The following ITGAE variants were observed in gnomAD, a reference collection of about 807,000 sequenced individuals.
ITGAE encodes the protein integrin subunit alpha E, also known as integrin alpha-E.
Under a neutral mutation model 136.5 loss-of-function variants are expected in ITGAE, and 99 were observed. The ratio of observed to expected loss-of-function variants is 0.73; its 90% CI spans 0.62 to 0.86. The LOEUF is 0.86. Ranked by LOEUF, ITGAE falls within the 40% of genes least tolerant of loss-of-function variation. The pLI is 0.00. For synonymous variants in ITGAE, 613 were observed against 591.8 expected (o/e 1.04, Z -0.52); for missense variants, 1,447 against 1,515.3 (o/e 0.95, Z 0.75).
chr17:3,754,658 C>G (rs220478), intron 12 of ITGAE: 156,012 of 201,254 alleles, frequency 0.78, 62,419 homozygotes, highest in African/African-American at 0.93. Context: ...CTCAGCCTCA[C>G]GGTCCCTAAC....
chr17:3,723,320 C>G lies in ITGAE; in HGVS notation c.3205G>C (p.Ala1069Pro), dbSNP rs377713338. ...GAGTGATCCCAGGAGATCTCTGCAG[C>G]CACGGTGACATTTTCTTTATCTGAA... ...IASDKENVTV[A>P]AEISWDHSEE... The change falls in exon 28 of 31, where the codon GCT becomes CCT. Residue 1069 changes from alanine to proline, a missense_variant. This residue lies in a region of ITGAE where 1,031 missense variants were observed against 1,011.4 expected (regional missense o/e 1.02). Transcript: ENST00000263087. The G allele has an allele frequency of 6.2e-6, 10 of 1,613,586 alleles. No individual in the cohort carries two copies. The highest frequency in any genetic ancestry group is 1.3e-5 in the African/African-American group (1 of 74,934).
intron 26 of ITGAE, chr17:3,726,339 T>C (rs2051213485): frequency 2.5e-6 from 4 of 1,576,390 alleles, no homozygotes; most frequent in Non-Finnish European, 3.5e-6. Flanking sequence ...GTAAGCTAAA[T>C]GTATCTTACT....
At chr17:3,724,591 G>C in intron 26 of ITGAE, 1 of 1,614,158 alleles carries the variant, frequency 6.2e-7, no homozygotes, top group Non-Finnish European at 8.5e-7. Context: ...TCTCTCCCCT[G>C]CTCCCAGGAG....
At chr17:3,750,538 G>C (rs535149318) in intron 15 of ITGAE, 56 bp from the exon 16 acceptor site, 1 of 1,604,228 alleles carries the variant, frequency 6.2e-7, no homozygotes, top group South Asian at 1.1e-5. Flanking sequence ...AACGGGGCGG[G>C]GAGTCCTTTC....
At chr17:3,746,813 G>A (rs1406383069) in intron 17 of ITGAE, among the ~76,000 whole-genome samples, 1 of 152,108 alleles carries the variant, frequency 6.6e-6, no homozygotes, top group African/African-American at 2.4e-5. Flanking sequence ...GGATGGTCTC[G>A]ATCTCCTGAC....
At chr17:3,740,202 C>T (rs943507069) in intron 19 of ITGAE, among the ~76,000 whole-genome samples, 1 of 152,220 alleles carries the variant, frequency 6.6e-6, no homozygotes, top group Admixed American at 6.5e-5. Flanking sequence ...CAGCAACACA[C>T]AGCTCACGAC....
chr17:3,724,230 A>G (rs751713248), intron 26 of ITGAE: 1 of 1,593,496 alleles, frequency 6.3e-7, no homozygotes, highest in South Asian at 1.1e-5. Flanking sequence ...CGTGACCCCA[A>G]AGCGCTGGAA....
Position 3,753,281 on chromosome 17 carries a change from C to G in ITGAE, c.1668+9G>C, listed in dbSNP as rs768788394. On this transcript the variant is annotated intron_variant, in intron 14 of 30. Coordinates refer to ENST00000263087, the MANE Select transcript of ITGAE (RefSeq NM_002208.5). ...CTCAGCAAGCTCATGAAGATGGAGA[C>G]TCTCCCACCTGCTCGCTGAGACGGT... The G allele has an allele frequency of 9.9e-6, 16 of 1,612,488 alleles. No individual in the cohort carries two copies. The highest frequency in any genetic ancestry group is 1.3e-5 in the Non-Finnish European group (15 of 1,178,946).
chr17:3,727,621 G>T (rs373215933), intron 26 of ITGAE, among the ~76,000 whole-genome samples: 1 of 151,958 alleles, frequency 6.6e-6, no homozygotes, highest in Non-Finnish European at 1.5e-5. Context: ...GGATGGTCTC[G>T]ATCTGCTGAC....
chr17:3,794,644 C>T (rs1435781382), intron 1 of ITGAE, among the ~76,000 whole-genome samples: 3 of 152,212 alleles, frequency 2.0e-5, no homozygotes, highest in Non-Finnish European at 4.4e-5. Context: ...GCTGCTCCCC[C>T]ACGAATCCAG....
At chr17:3,718,654 T>C (rs1415729171) in intron 29 of ITGAE, among the ~76,000 whole-genome samples, 1 of 152,242 alleles carries the variant, frequency 6.6e-6, no homozygotes, top group African/African-American at 2.4e-5. Flanking sequence ...GAAAGGAATT[T>C]TGGGGAATCC....
At chr17:3,795,930 C>CGTGTGTGTGTGCATCCGT (rs10643973) in intron 1 of ITGAE, among the ~76,000 whole-genome samples, 1 of 113,046 alleles carries the variant, frequency 8.8e-6, no homozygotes, top group Non-Finnish European at 1.8e-5. Context: ...TGTGTGCATC[C>CGTGTGTGTGTGCATCCGT]GTGTGTGTGC....
At chr17:3,739,901 G>C (rs149870220) in intron 19 of ITGAE, 23 bp from the exon 20 acceptor site, 2 of 1,598,990 alleles carry the variant, frequency 1.3e-6, no homozygotes, top group Non-Finnish European at 1.7e-6. Flanking sequence ...AGAGAGTCCC[G>C]ATCAGCCCAG....
At chr17:3,751,570 GC>G (rs2051867654) in intron 15 of ITGAE, 79 bp downstream of exon 15, 6 of 1,354,358 alleles carry the variant, frequency 4.4e-6, no homozygotes, top group Non-Finnish European at 6.3e-6. Context: ...TAGGACTGAA[GC>G]CGACTTGGGG....
intron 6 of ITGAE, 137 bp downstream of exon 6, chr17:3,760,876 G>A: frequency 1.5e-6 from 2 of 1,295,322 alleles, no homozygotes; most frequent in Admixed American, 5.7e-5. Context: ...AGTGGGTGGA[G>A]CTGGTACAGG....
At chr17:3,790,528 AC>A (rs535997168) in intron 1 of ITGAE, among the ~76,000 whole-genome samples, 56,980 of 151,488 alleles carry the variant, frequency 0.38, 12,418 homozygotes, top group African/African-American at 0.62. Flanking sequence ...ACACACACAC[AC>A]ACAAAAGAAA....
chr17:3,714,886 G>A lies in ITGAE; in HGVS notation c.3501C>T (p.Ala1167=). 6.2e-7 allele frequency: 1 copy of A among 1,611,250 alleles called. No homozygotes were observed. The highest frequency in any genetic ancestry group is 8.5e-7 in the Non-Finnish European group (1 of 1,178,602). The change falls in exon 31 of 31, where the codon GCC becomes GCT. Residue 1167 remains alanine (A), a synonymous_variant. Coordinates refer to ENST00000263087, the MANE Select transcript of ITGAE (RefSeq NM_002208.5). Reference sequence around the variant, plus strand: ...CGAGCAGATTCTCTGATTTCAGCTGGGCCTTCCTGATGCTCTCCAAGTTCA... The same window carrying A: ...CGAGCAGATTCTCTGATTTCAGCTGAGCCTTCCTGATGCTCTCCAAGTTCA... ...QQLNLESIRK[A]QLKSENLLEE... is the part of the protein sequence containing the mutation.
intron 13 of ITGAE, 142 bp from the exon 14 acceptor site, chr17:3,753,572 T>C (rs2051924946): frequency 8.5e-7 from 1 of 1,181,452 alleles, no homozygotes; most frequent in Admixed American, 2.4e-5. Flanking sequence ...AACAGAAGAG[T>C]GGAGGAGCAG....
intron 21 of ITGAE, among the ~76,000 whole-genome samples, chr17:3,734,320 G>A (rs1330933804): frequency 2.0e-5 from 3 of 152,144 alleles, no homozygotes; most frequent in Middle Eastern, 3.2e-3. Context: ...TGATCCGCCC[G>A]TCTCGGCCTC....
Sources: allele counts gnomAD v4.1 joint callset (sites outside exome capture counted in the v4.1 genomes callset), GRCh38; gene constraint gnomAD v4.1.1; regional missense constraint gnomAD v4.1.1; transcripts MANE v1.5; gene names NCBI Gene and HGNC (gene_info 2026-07-23, HGNC 2026-07-21).